Variants in CDK6 observed in about 807,000 individuals in gnomAD.
CDK6 encodes cyclin dependent kinase 6, also known as cyclin-dependent kinase 6.
CDK6 carries 6 observed loss-of-function variants against 37.1 expected under a neutral mutation model. The observed-to-expected ratio is 0.16, with a 90% CI of 0.09 to 0.32. CDK6 has a LOEUF of 0.32. Ranked by LOEUF, CDK6 falls within the 10% of genes least tolerant of loss-of-function variation. The pLI is 1.00. For synonymous variants in CDK6, 160 were observed against 161.3 expected, an observed-to-expected ratio of 0.99 and a Z score of 0.06; for missense variants, 224 against 418.9, an observed-to-expected ratio of 0.53 and a Z score of 4.06.
intron 4 of CDK6, among the ~76,000 whole-genome samples, chr7:92,672,180 C>CACAG (rs1281709394): frequency 1.0e-5 from 1 of 98,992 alleles, no homozygotes; most frequent in Non-Finnish European, 2.0e-5. Context: ...CACACACACA[C>CACAG]ACAGACACAT....
intron 5 of CDK6, among the ~76,000 whole-genome samples, chr7:92,652,353 C>G (rs1042004015): frequency 6.6e-6 from 1 of 152,150 alleles, no homozygotes; most frequent in African/African-American, 2.4e-5. Context: ...CTTTATAATT[C>G]TTTCTTATCT....
chr7:92,686,124 A>C (rs1434426242), intron 4 of CDK6, among the ~76,000 whole-genome samples: 2 of 152,248 alleles, frequency 1.3e-5, no homozygotes, highest in African/African-American at 4.8e-5. Flanking sequence ...TACATATTTT[A>C]ACTATCTTTT....
chr7:92,771,046 G>C (rs1465532017), intron 3 of CDK6, among the ~76,000 whole-genome samples: 1 of 151,972 alleles, frequency 6.6e-6, no homozygotes, highest in South Asian at 2.1e-4. Context: ...AGACCAGCCT[G>C]ACTAACATGG....
intron 3 of CDK6, among the ~76,000 whole-genome samples, chr7:92,766,523 G>C (rs1000996848): frequency 6.6e-5 from 10 of 152,284 alleles, no homozygotes; most frequent in African/African-American, 2.4e-4. Flanking sequence ...CTGGAGAATA[G>C]GTATTTGAAG....
intron 3 of CDK6, among the ~76,000 whole-genome samples, chr7:92,727,610 A>G (rs1562948658): frequency 2.0e-5 from 3 of 152,170 alleles, no homozygotes; most frequent in African/African-American, 7.2e-5. Flanking sequence ...TGATTCACAA[A>G]CAACTAAAAG....
At chr7:92,735,471 A>G (rs950511871) in intron 3 of CDK6, among the ~76,000 whole-genome samples, 4 of 152,134 alleles carry the variant, frequency 2.6e-5, no homozygotes, top group Non-Finnish European at 4.4e-5. Context: ...TTGGAGCCTC[A>G]GGTTTTCACT....
intron 6 of CDK6, among the ~76,000 whole-genome samples, chr7:92,621,269 AAAGT>A (rs2116491378): frequency 6.6e-6 from 1 of 152,376 alleles, no homozygotes; most frequent in Admixed American, 6.5e-5. Context: ...CAGAAACCAC[AAAGT>A]AAAATCTAAA....
At chr7:92,810,847 C>T (rs532678423) in intron 2 of CDK6, among the ~76,000 whole-genome samples, 5 of 152,028 alleles carry the variant, frequency 3.3e-5, no homozygotes, top group African/African-American at 7.2e-5. Context: ...CTGAGGTGGG[C>T]GGATCACGAG....
intron 5 of CDK6, among the ~76,000 whole-genome samples, chr7:92,641,347 A>G (rs1169638759): frequency 6.6e-6 from 1 of 152,154 alleles, no homozygotes; most frequent in African/African-American, 2.4e-5. Context: ...CACTTTATTT[A>G]TATCAGCATG....
chr7:92,648,019 G>T (rs1278588639), intron 5 of CDK6, among the ~76,000 whole-genome samples: 1 of 152,212 alleles, frequency 6.6e-6, no homozygotes, highest in Non-Finnish European at 1.5e-5. Context: ...TGGGGCAAAG[G>T]TAAGGCCGAC....
chr7:92,777,807 A>T (rs1312379014), intron 2 of CDK6, among the ~76,000 whole-genome samples: 1 of 152,206 alleles, frequency 6.6e-6, no homozygotes, highest in Non-Finnish European at 1.5e-5. Flanking sequence ...CATTGAATAT[A>T]TAAATTACTT....
chr7:92,834,867 T>G lies in CDK6; in HGVS notation c.-367-1177A>C, dbSNP rs1013378178. On this transcript the variant is annotated intron_variant, in intron 1 of 7. Transcript: ENST00000424848. The surrounding 1 kb of genome is among the most constrained non-coding windows in gnomAD (Gnocchi z 4.6). ...GCAGCCGGACGCCCCCGGAGCCCTC[T>G]GCACAACAAAGCGCCAGAGTAGGGT... is the stretch of plus-strand genomic sequence containing the variant. 1.1e-4 allele frequency among the ~76,000 whole-genome samples: 16 copies of G among 152,192 alleles called. No individual in the cohort carries two copies. The highest frequency in any genetic ancestry group is 3.9e-4 in the African/African-American group (16 of 41,532).
intron 3 of CDK6, among the ~76,000 whole-genome samples, chr7:92,764,984 T>G (rs948697937): frequency 2.0e-5 from 3 of 152,110 alleles, no homozygotes; most frequent in African/African-American, 7.2e-5. Flanking sequence ...TATATGGGCA[T>G]CTGAAATTTC....
intron 2 of CDK6, among the ~76,000 whole-genome samples, chr7:92,827,293 A>G (rs1801349112): frequency 1.3e-5 from 2 of 152,216 alleles, no homozygotes; most frequent in African/African-American, 4.8e-5. Flanking sequence ...AGAGAATAGG[A>G]ATAATTTAAG....
intron 4 of CDK6, among the ~76,000 whole-genome samples, chr7:92,720,594 T>C (rs1210227807): frequency 1.3e-5 from 2 of 152,138 alleles, no homozygotes; most frequent in Non-Finnish European, 2.9e-5. Context: ...ACAAGACTGC[T>C]CCCTTCCTGA....
chr7:92,657,914 G>A (rs946300444), intron 5 of CDK6, among the ~76,000 whole-genome samples: 3 of 151,978 alleles, frequency 2.0e-5, no homozygotes, highest in Admixed American at 2.0e-4. Context: ...TACAGACAGG[G>A]TCTCACCATG....
intron 2 of CDK6, among the ~76,000 whole-genome samples, chr7:92,802,961 T>C (rs929325932): frequency 1.3e-5 from 2 of 152,194 alleles, no homozygotes; most frequent in Admixed American, 6.5e-5. Flanking sequence ...CTGCCTTCAG[T>C]TGAGAACTAC....
chr7:92,734,694 G>A (rs769404041), intron 3 of CDK6, among the ~76,000 whole-genome samples: 10 of 152,220 alleles, frequency 6.6e-5, no homozygotes, highest in Non-Finnish European at 1.3e-4. Context: ...GGAGGAATGC[G>A]ATAAAACTCC....
At chr7:92,684,868 C>A (rs1797413390) in intron 4 of CDK6, among the ~76,000 whole-genome samples, 1 of 152,060 alleles carries the variant, frequency 6.6e-6, no homozygotes. Context: ...TAAAAAAAAT[C>A]ATATTACTTG....
Sources: allele counts gnomAD v4.1 joint callset (sites outside exome capture counted in the v4.1 genomes callset), GRCh38; gene constraint gnomAD v4.1.1; non-coding constraint Gnocchi (gnomAD v3.1); transcripts MANE v1.5; gene names NCBI Gene and HGNC (gene_info 2026-07-23, HGNC 2026-07-21).